GFOD1: variants seen among roughly 807,000 people sequenced by gnomAD.
GFOD1 encodes the protein glucose-fructose oxidoreductase domain-containing protein 1.
A neutral mutation model predicts 25.4 loss-of-function variants in GFOD1; 9 were observed. The observed-to-expected ratio is 0.35, with a 90% CI of 0.21 to 0.62. GFOD1 has a LOEUF of 0.62. Ranked by LOEUF, GFOD1 falls within the 20% of genes least tolerant of loss-of-function variation. GFOD1 has a pLI of 0.72. For synonymous variants in GFOD1, 253 were observed against 245.6 expected (o/e 1.03, Z -0.28); for missense variants, 403 against 556.9 (o/e 0.72, Z 2.78).
At chr6:13,373,319 T>G (rs1172809221) in intron 1 of GFOD1, among the ~76,000 whole-genome samples, 1 of 152,202 alleles carries the variant, frequency 6.6e-6, no homozygotes, top group Non-Finnish European at 1.5e-5. Flanking sequence ...TGCCTATTCA[T>G]CATTCAGAGT....
chr6:13,485,915 C>T (rs1231649103), intron 1 of GFOD1: 3 of 553,580 alleles, frequency 5.4e-6, no homozygotes, highest in Admixed American at 6.4e-5. Context: ...GTTAAAACCC[C>T]CTGGTTTTAC....
intron 1 of GFOD1, among the ~76,000 whole-genome samples, chr6:13,382,934 C>A (rs1434610984): frequency 2.0e-5 from 3 of 152,174 alleles, no homozygotes. Flanking sequence ...GTTTTCTGTT[C>A]CTGTGTTAGT....
intron 1 of GFOD1, among the ~76,000 whole-genome samples, chr6:13,393,977 C>T (rs900170163): frequency 1.3e-5 from 2 of 151,864 alleles, no homozygotes; most frequent in African/African-American, 2.4e-5. Context: ...ACGGGTTTCA[C>T]CATGTTAGTC....
chr6:13,462,742 T>C (rs1758312868), intron 1 of GFOD1, among the ~76,000 whole-genome samples: 2 of 152,194 alleles, frequency 1.3e-5, no homozygotes, highest in South Asian at 2.1e-4. Flanking sequence ...AAACAAATCC[T>C]ATCCGCCAAA....
At chr6:13,425,951 A>C (rs547980087) in intron 1 of GFOD1, among the ~76,000 whole-genome samples, 13 of 152,288 alleles carry the variant, frequency 8.5e-5, no homozygotes, top group African/African-American at 2.9e-4. Context: ...AAAGTTTACG[A>C]ATTTGTGTTG....
At chr6:13,392,688 T>C (rs1785638247) in intron 1 of GFOD1, among the ~76,000 whole-genome samples, 2 of 151,948 alleles carry the variant, frequency 1.3e-5, no homozygotes, top group African/African-American at 4.8e-5. Context: ...TCATTTCATA[T>C]TGTGAGAGAG....
intron 1 of GFOD1, among the ~76,000 whole-genome samples, chr6:13,371,222 T>C (rs1402888983): frequency 1.3e-5 from 2 of 152,206 alleles, no homozygotes; most frequent in Non-Finnish European, 1.5e-5. Context: ...TTTACAGCCA[T>C]GGCTAATTTC....
intron 1 of GFOD1, among the ~76,000 whole-genome samples, chr6:13,471,427 C>A (rs1255482679): frequency 6.6e-6 from 1 of 152,136 alleles, no homozygotes; most frequent in East Asian, 1.9e-4. Context: ...CAGGTCCGTG[C>A]CATCTGCTAC....
intron 1 of GFOD1, among the ~76,000 whole-genome samples, chr6:13,479,921 G>C (rs1287234063): frequency 6.6e-6 from 1 of 152,208 alleles, no homozygotes; most frequent in Non-Finnish European, 1.5e-5. Flanking sequence ...AGCAAGAACT[G>C]GAAATGCAGG....
chr6:13,381,915 G>GCA (rs112808546), intron 1 of GFOD1, among the ~76,000 whole-genome samples: 10,331 of 139,982 alleles, frequency 0.074, 383 homozygotes, highest in African/African-American at 0.12. Context: ...ACGCGCGCGC[G>GCA]CACACACACA....
intron 1 of GFOD1, among the ~76,000 whole-genome samples, chr6:13,382,239 ATGT>A (rs1356205331): frequency 2.0e-5 from 3 of 151,916 alleles, no homozygotes; most frequent in Non-Finnish European, 4.4e-5. Flanking sequence ...TGAAGAAATC[ATGT>A]TGTGATATGG....
rs764758991 is a variant in GFOD1 at position 13,365,279 on chromosome 6, G to A, written c.637C>T (p.Arg213Ter). 1 of 1,614,202 alleles carries A rather than the reference G, an allele frequency of 6.2e-7. No individual in the cohort carries two copies. ...VKQTDHIKGI[R>*]QITSDDFCTF... is the part of the protein sequence containing the mutation. ...CAGAAGTCATCGCTGGTGATCTGTC[G>A]GATGCCCTTGATGTGGTCAGTCTGC... Residue 213 changes from arginine to a stop codon, truncating the protein, a stop_gained, in exon 2 of 2, where the codon CGA becomes TGA. Transcript: ENST00000379287. LOFTEE classifies it high-confidence loss of function. This position sits in a 1 kb window ranked among gnomAD's most constrained non-coding sequence, Gnocchi z 9.2.
Position 13,395,719 on chromosome 6 carries a change from G to A in GFOD1, c.254-30057C>T, listed in dbSNP as rs117222591. 2.6e-4 allele frequency among the ~76,000 whole-genome samples: 39 copies of A among 152,344 alleles called. No homozygotes were observed. The East Asian group carries it at 7.3e-3, about 29-fold the overall frequency. On this transcript the variant is annotated intron_variant, in intron 1 of 1. Transcript: ENST00000379287. ...TTTTCCACTTGAGATAAAGAGCCCA[G>A]AGGCTTTATGAGTTCCCTGGTCTTT...
chr6:13,366,603 G>T (rs952572333), intron 1 of GFOD1, among the ~76,000 whole-genome samples: 22 of 151,724 alleles, frequency 1.5e-4, no homozygotes, highest in South Asian at 2.1e-4. Flanking sequence ...CAAAGTTCTG[G>T]GATTACAGGC....
intron 1 of GFOD1, among the ~76,000 whole-genome samples, chr6:13,390,501 G>A: frequency 6.6e-6 from 1 of 152,076 alleles, no homozygotes; most frequent in Non-Finnish European, 1.5e-5. Flanking sequence ...GGAGGTAGGA[G>A]GATTCCTTGA....
At chr6:13,382,347 T>TGGTGG (rs796483227) in intron 1 of GFOD1, among the ~76,000 whole-genome samples, 22 of 143,670 alleles carry the variant, frequency 1.5e-4, no homozygotes, top group African/African-American at 5.5e-4. Context: ...AATTGAATCA[T>TGGTGG]GGGGGGGGGG....
At chr6:13,406,314 T>C (rs1241284002) in intron 1 of GFOD1, among the ~76,000 whole-genome samples, 1 of 152,224 alleles carries the variant, frequency 6.6e-6, no homozygotes, top group Non-Finnish European at 1.5e-5. Context: ...AAACGCCGTT[T>C]GCTGTTTGTT....
intron 1 of GFOD1, among the ~76,000 whole-genome samples, chr6:13,391,016 C>T (rs367835730): frequency 2.0e-5 from 3 of 152,072 alleles, no homozygotes; most frequent in East Asian, 1.9e-4. Context: ...ACTGGCCCAG[C>T]GCAAAGACCA....
chr6:13,431,558 G>A (rs1741177031), intron 1 of GFOD1, among the ~76,000 whole-genome samples: 1 of 152,038 alleles, frequency 6.6e-6, no homozygotes, highest in South Asian at 2.1e-4. Context: ...TCACCAATAG[G>A]GCCAAATGCC....
Sources: allele counts gnomAD v4.1 joint callset (sites outside exome capture counted in the v4.1 genomes callset), GRCh38; gene constraint gnomAD v4.1.1; non-coding constraint Gnocchi (gnomAD v3.1); transcripts MANE v1.5; gene names NCBI Gene and HGNC (gene_info 2026-07-23, HGNC 2026-07-21).